MGAT4C: variants seen among roughly 807,000 people sequenced by gnomAD.
MGAT4C encodes MGAT4 family member C.
In MGAT4C, 19 loss-of-function variants were observed where a neutral mutation model predicts 40.1. The observed-to-expected ratio is 0.47, with a 90% confidence interval of 0.33 to 0.70. The LOEUF is 0.70. Among genes scored for constraint, MGAT4C ranks in the 30% least tolerant of loss-of-function variants. MGAT4C has a pLI of 0.02. For missense variants in MGAT4C, 491 were observed against 563.2 expected (o/e 0.87, Z 1.30); for synonymous variants, 181 against 187.1 (o/e 0.97, Z 0.27).
chr12:86,687,051 T>G (rs143313256), intron 2 of MGAT4C, among the ~76,000 whole-genome samples: 6 of 152,354 alleles, frequency 3.9e-5, no homozygotes, highest in Admixed American at 1.3e-4. Context: ...GGGATTTGAC[T>G]TCTTCCTGGT....
intron 2 of MGAT4C, among the ~76,000 whole-genome samples, chr12:86,626,872 C>T (rs575976049): frequency 4.5e-4 from 68 of 152,316 alleles, no homozygotes; most frequent in Non-Finnish European, 5.4e-4. Context: ...ACTGGTTGGA[C>T]AGTGGGTGCA....
intron 2 of MGAT4C, among the ~76,000 whole-genome samples, chr12:86,513,412 T>C (rs1234249820): frequency 6.6e-6 from 1 of 152,150 alleles, no homozygotes; most frequent in Non-Finnish European, 1.5e-5. Context: ...CCAGATGGTC[T>C]CCATTTCAGA....
At chr12:86,510,402 A>T (rs901749324) in intron 2 of MGAT4C, among the ~76,000 whole-genome samples, 2 of 152,298 alleles carry the variant, frequency 1.3e-5, no homozygotes, top group Non-Finnish European at 1.5e-5. Context: ...AATTGTAAAG[A>T]CCATCGAGGC....
chr12:86,090,640 T>C (rs890776373), intron 1 of MGAT4C, among the ~76,000 whole-genome samples: 9 of 151,884 alleles, frequency 5.9e-5, no homozygotes, highest in African/African-American at 2.2e-4. Flanking sequence ...CAGGTTTAGT[T>C]CAAGGCTAGC....
intron 1 of MGAT4C, among the ~76,000 whole-genome samples, chr12:86,734,338 C>G (rs140549090): frequency 6.0e-4 from 91 of 152,064 alleles, no homozygotes; most frequent in African/African-American, 1.7e-3. Flanking sequence ...ATGTTGAAGA[C>G]TCAGGAACAA....
intron 2 of MGAT4C, among the ~76,000 whole-genome samples, chr12:86,480,191 C>G (rs1957908878): frequency 6.6e-6 from 1 of 151,582 alleles, no homozygotes; most frequent in Non-Finnish European, 1.5e-5. Flanking sequence ...ATTGTAAAAA[C>G]CACTCTTGCC....
At position 86,786,376 on chromosome 12, in the gene MGAT4C, C is replaced by T. The variant is rs149110701; in HGVS notation, c.-262+52290G>A. ...AACAAAAGAAATAGTAGAAATTGAG[C>T]TTTGAAAGATAAGTATATATTAACC... is the stretch of plus-strand genomic sequence containing the variant. On this transcript the variant is annotated intron_variant, in intron 1 of 7. Transcript: ENST00000548651. Among the ~76,000 whole-genome samples the T allele has an allele frequency of 2.9e-4, 44 of 152,086 alleles. No individual in the cohort carries two copies. The East Asian group carries it at 7.7e-3, about 27-fold the overall frequency.
At chr12:86,696,474 T>G in intron 2 of MGAT4C, among the ~76,000 whole-genome samples, 1 of 152,194 alleles carries the variant, frequency 6.6e-6, no homozygotes, top group East Asian at 1.9e-4. Context: ...ACAGTTTCAC[T>G]TAAGTACGCT....
intron 2 of MGAT4C, among the ~76,000 whole-genome samples, chr12:86,475,467 T>C (rs1036475800): frequency 6.6e-6 from 1 of 152,006 alleles, no homozygotes; most frequent in African/African-American, 2.4e-5. Flanking sequence ...TGATTTTTAC[T>C]ACACAAGTTG....
At chr12:86,052,275 A>G (rs958750299) in intron 1 of MGAT4C, among the ~76,000 whole-genome samples, 9 of 151,832 alleles carry the variant, frequency 5.9e-5, no homozygotes, top group Non-Finnish European at 8.8e-5. Flanking sequence ...ATTAAAAAAA[A>G]GAAAGGTAAG....
At chr12:86,699,537 G>T (rs900666695) in intron 2 of MGAT4C, among the ~76,000 whole-genome samples, 1 of 151,950 alleles carries the variant, frequency 6.6e-6, no homozygotes, top group Non-Finnish European at 1.5e-5. Flanking sequence ...GTGTGCACGC[G>T]CATGAGATTG....
intron 2 of MGAT4C, among the ~76,000 whole-genome samples, chr12:86,499,485 AC>A (rs1211104407): frequency 6.6e-6 from 1 of 151,674 alleles, no homozygotes; most frequent in African/African-American, 2.4e-5. Context: ...ACAAAACAAA[AC>A]AAAAAACCTC....
intron 1 of MGAT4C, among the ~76,000 whole-genome samples, chr12:86,070,592 G>A (rs1894990148): frequency 6.6e-6 from 1 of 152,008 alleles, no homozygotes; most frequent in East Asian, 1.9e-4. Context: ...ATTTGTACAG[G>A]TGGCAGCAGT....
At chr12:86,113,163 C>T (rs1403938998) in intron 1 of MGAT4C, among the ~76,000 whole-genome samples, 2 of 151,720 alleles carry the variant, frequency 1.3e-5, no homozygotes, top group African/African-American at 4.8e-5. Flanking sequence ...TCAGGTCATA[C>T]TAAGCAAAAT....
chr12:86,298,836 T>G (rs1953742615), intron 4 of MGAT4C, among the ~76,000 whole-genome samples: 1 of 152,126 alleles, frequency 6.6e-6, no homozygotes, highest in African/African-American at 2.4e-5. Flanking sequence ...AGTCCAGCAG[T>G]TAGTATATCT....
At chr12:86,201,804 A>G (rs1413459722) in intron 1 of MGAT4C, among the ~76,000 whole-genome samples, 1 of 152,042 alleles carries the variant, frequency 6.6e-6, no homozygotes, top group African/African-American at 2.4e-5. Context: ...TTGTCTTGCC[A>G]TAGACCTTCT....
At chr12:86,327,272 G>A (rs954071919) in intron 4 of MGAT4C, among the ~76,000 whole-genome samples, 1 of 151,866 alleles carries the variant, frequency 6.6e-6, no homozygotes. Context: ...TATTGATCTT[G>A]TCTTTGTTTT....
intron 3 of MGAT4C, among the ~76,000 whole-genome samples, chr12:86,363,405 T>C (rs1031417810): frequency 1.6e-4 from 24 of 152,220 alleles, no homozygotes; most frequent in African/African-American, 5.3e-4. Flanking sequence ...TTAGCATCTA[T>C]TTTAAACTTG....
chr12:86,674,112 T>C (rs1593101957), intron 2 of MGAT4C, among the ~76,000 whole-genome samples: 1 of 152,032 alleles, frequency 6.6e-6, no homozygotes, highest in African/African-American at 2.4e-5. Flanking sequence ...AAACCAAAAC[T>C]ACAGTCAAAT....
Sources: gnomAD v4.1 joint callset for allele counts (sites outside exome capture counted in the v4.1 genomes callset) on GRCh38, gnomAD v4.1.1 for gene constraint, MANE v1.5 for transcripts, NCBI Gene and HGNC (gene_info 2026-07-23, HGNC 2026-07-21) for gene names.